Variants in PYROXD1 observed in about 807,000 individuals in gnomAD.
The protein encoded by PYROXD1 is pyridine nucleotide-disulphide oxidoreductase domain 1, also known as tRNA ligase complex-associated NAD(P)H dehydrogenase PYROXD1.
In PYROXD1, 42 loss-of-function variants were observed where a neutral mutation model predicts 62.0. That is an observed-to-expected ratio of 0.68 (90% CI 0.53 to 0.88). The LOEUF (loss-of-function observed/expected upper bound fraction) is 0.88, where lower values mean the gene tolerates loss of function less well. PYROXD1 is among the 40% of genes least tolerant of loss of function. The pLI is 0.00. For missense variants in PYROXD1, 493 were observed against 604.8 expected, an observed-to-expected ratio of 0.82 and a Z score of 1.94; for synonymous variants, 170 against 206.4, an observed-to-expected ratio of 0.82 and a Z score of 1.51.
At chr12:21,451,966 T>C in intron 4 of PYROXD1, 115 bp from the exon 5 acceptor site, 1 of 682,246 alleles carries the variant, frequency 1.5e-6, no homozygotes, top group Non-Finnish European at 2.4e-6. Flanking sequence ...ATTCATTTTT[T>C]TCCTTTACAA....
At chr12:21,467,718 T>C (rs1042008855) in intron 11 of PYROXD1, 100 bp downstream of exon 11, 1 of 901,340 alleles carries the variant, frequency 1.1e-6, no homozygotes, top group African/African-American at 1.7e-5. Context: ...TACATAGTTT[T>C]AATCATCTAC....
intron 1 of PYROXD1, chr12:21,438,087 G>A (rs1942225872): frequency 2.0e-6 from 1 of 493,274 alleles, no homozygotes. Flanking sequence ...TAATGTCAGA[G>A]CAGACATGAG....
intron 11 of PYROXD1, 68 bp from the exon 12 acceptor site, chr12:21,468,438 C>A: frequency 6.9e-7 from 1 of 1,439,532 alleles, no homozygotes; most frequent in Non-Finnish European, 9.5e-7. Flanking sequence ...AAACTTGACA[C>A]AAAATAACTA....
chr12:21,449,329 C>T (rs1591942859), intron 3 of PYROXD1, among the ~76,000 whole-genome samples: 2 of 150,560 alleles, frequency 1.3e-5, no homozygotes, highest in South Asian at 4.2e-4. Flanking sequence ...GACTAGTTTT[C>T]AGGAGATCTC....
intron 2 of PYROXD1, among the ~76,000 whole-genome samples, chr12:21,445,028 G>A (rs562001451): frequency 6.6e-6 from 1 of 152,308 alleles, no homozygotes; most frequent in East Asian, 1.9e-4. Context: ...AAGCTTGAAG[G>A]ATAAGGAAAT....
At chr12:21,460,006 CT>C (rs780662565) in intron 7 of PYROXD1, among the ~76,000 whole-genome samples, 1 of 152,090 alleles carries the variant, frequency 6.6e-6, no homozygotes, top group Non-Finnish European at 1.5e-5. Context: ...AGATGATTTG[CT>C]TTTCCTCATT....
At chr12:21,440,336 C>T (rs745335504) in intron 1 of PYROXD1, 32 bp from the exon 2 acceptor site, 6 of 1,288,108 alleles carry the variant, frequency 4.7e-6, no homozygotes, top group Non-Finnish European at 5.6e-6. Context: ...AGTAATTTGT[C>T]CTAATTTTTT....
intron 1 of PYROXD1, 56 bp downstream of exon 1, chr12:21,437,870 C>G: frequency 6.8e-7 from 1 of 1,464,344 alleles, no homozygotes; most frequent in South Asian, 1.2e-5. Context: ...GGGGATAGCA[C>G]TGGAGGCCTT....
chr12:21,457,457 T>C (rs773165821), intron 7 of PYROXD1, among the ~76,000 whole-genome samples: 2 of 151,056 alleles, frequency 1.3e-5, no homozygotes, highest in Non-Finnish European at 2.9e-5. Flanking sequence ...TTCTGAGCAG[T>C]AGGTCTCAAT....
At chr12:21,462,629 A>G (rs548484036) in intron 9 of PYROXD1, 111 bp from the exon 10 acceptor site, 3 of 1,243,772 alleles carry the variant, frequency 2.4e-6, no homozygotes, top group Non-Finnish European at 3.4e-6. Context: ...TCATTTTCTC[A>G]TTAAAGATGA....
intron 5 of PYROXD1, among the ~76,000 whole-genome samples, chr12:21,453,441 T>C (rs1942538248): frequency 6.6e-6 from 1 of 152,108 alleles, no homozygotes; most frequent in South Asian, 2.1e-4. Flanking sequence ...CTTTCTACAC[T>C]GTGTTTCAGT....
intron 1 of PYROXD1, 28 bp downstream of exon 1, chr12:21,437,842 T>C: frequency 6.3e-7 from 1 of 1,599,906 alleles, no homozygotes; most frequent in Non-Finnish European, 8.5e-7. Flanking sequence ...CGGTTCCGCC[T>C]CTTTCCCCGA....
chr12:21,462,929 C>T lies in PYROXD1; in HGVS notation c.1116+67C>T, dbSNP rs996036187. 4 of 1,483,366 alleles carry T rather than the reference C, an allele frequency of 2.7e-6. No individual in the cohort carries two copies. In the African/African-American group the frequency reaches 5.7e-5, roughly 21 times the overall value. The allele number at this position is 1,483,366 out of a possible 1,614,324, so 91.9% of individuals were successfully genotyped here. A position where few individuals can be genotyped will look rare whatever the true frequency, so the allele number is the denominator to read the frequency against. The stretch of plus-strand genomic sequence containing the variant: ...TGTCTGAAAATAAAGCGGTTGTTAC[C>T]AACAAATCCAACTTCTGGTTTTCCA... On this transcript the variant is annotated intron_variant, in intron 10 of 11. Transcript: ENST00000240651.
chr12:21,438,425 C>T (rs988212912), intron 1 of PYROXD1: 1 of 152,136 alleles, frequency 6.6e-6, no homozygotes, highest in Non-Finnish European at 1.5e-5. Context: ...AGGCCTGAGC[C>T]ACAGCACCCG....
intron 3 of PYROXD1, among the ~76,000 whole-genome samples, chr12:21,448,860 G>A (rs1942440352): frequency 6.6e-6 from 1 of 152,084 alleles, no homozygotes; most frequent in African/African-American, 2.4e-5. Context: ...ACCCATTTAT[G>A]TTATTAATTA....
At chr12:21,464,041 G>A (rs1942746364) in intron 10 of PYROXD1, among the ~76,000 whole-genome samples, 2 of 152,140 alleles carry the variant, frequency 1.3e-5, no homozygotes, top group Admixed American at 1.3e-4. Context: ...AGAGACATCA[G>A]TAAGAATGGT....
chr12:21,442,994 G>A (rs1350399969), intron 2 of PYROXD1, among the ~76,000 whole-genome samples: 2 of 152,060 alleles, frequency 1.3e-5, no homozygotes, highest in Non-Finnish European at 2.9e-5. Flanking sequence ...GGCTATTTTG[G>A]CTTGTGAAGA....
At chr12:21,443,762 T>C (rs1245692303) in intron 2 of PYROXD1, among the ~76,000 whole-genome samples, 1 of 152,184 alleles carries the variant, frequency 6.6e-6, no homozygotes, top group Non-Finnish European at 1.5e-5. Flanking sequence ...TAATGGAATA[T>C]AATTTTCTCA....
At chr12:21,452,550 C>G (rs1236121840) in intron 5 of PYROXD1, among the ~76,000 whole-genome samples, 1 of 152,076 alleles carries the variant, frequency 6.6e-6, no homozygotes, top group African/African-American at 2.4e-5. Flanking sequence ...ATAAATCCTG[C>G]TACACTCATT....
Sources: gnomAD v4.1 joint callset for allele counts (sites outside exome capture counted in the v4.1 genomes callset) on GRCh38, gnomAD v4.1.1 for gene constraint, MANE v1.5 for transcripts, NCBI Gene and HGNC (gene_info 2026-07-23, HGNC 2026-07-21) for gene names.